NDST4: variants seen among roughly 807,000 people sequenced by gnomAD.
NDST4 encodes the protein N-heparan sulfate sulfotransferase 4.
Under a neutral mutation model 100.8 loss-of-function variants are expected in NDST4, and 63 were observed. The observed-to-expected ratio is 0.62, with a 90% CI of 0.51 to 0.77. NDST4 has a LOEUF of 0.77. Among genes scored for constraint, NDST4 ranks in the 30% least tolerant of loss-of-function variants. The pLI is 0.00. For missense variants in NDST4, 943 were observed against 1,018.4 expected (o/e 0.93, Z 1.01); for synonymous variants, 377 against 361.8 (o/e 1.04, Z -0.48).
chr4:115,088,942 T>C (rs1729460027), intron 1 of NDST4, among the ~76,000 whole-genome samples: 1 of 152,110 alleles, frequency 6.6e-6, no homozygotes, highest in Non-Finnish European at 1.5e-5. Flanking sequence ...GTACAGCCTA[T>C]AACACAGACA....
chr4:115,015,868 A>G (rs1727665906), intron 2 of NDST4, among the ~76,000 whole-genome samples: 1 of 152,062 alleles, frequency 6.6e-6, no homozygotes, highest in South Asian at 2.1e-4. Context: ...AGCAGAGACC[A>G]ACATTGATTT....
chr4:115,092,181 T>A (rs1729533161), intron 1 of NDST4, among the ~76,000 whole-genome samples: 1 of 152,134 alleles, frequency 6.6e-6, no homozygotes, highest in African/African-American at 2.4e-5. Flanking sequence ...GTGCCACTGC[T>A]ATTGGTGCCC....
chr4:114,914,299 A>T (rs1286447885), intron 6 of NDST4, among the ~76,000 whole-genome samples: 1 of 152,166 alleles, frequency 6.6e-6, no homozygotes, highest in Non-Finnish European at 1.5e-5. Context: ...ATTTAATTAT[A>T]CATTTTAAAA....
chr4:115,057,943 A>T (rs186458849), intron 2 of NDST4, among the ~76,000 whole-genome samples: 4 of 152,320 alleles, frequency 2.6e-5, no homozygotes, highest in African/African-American at 7.2e-5. Context: ...TAATAAAACT[A>T]GTAGGCAAAT....
chr4:114,946,473 C>G (rs1017481111), intron 4 of NDST4, among the ~76,000 whole-genome samples: 1 of 152,020 alleles, frequency 6.6e-6, no homozygotes, highest in East Asian at 1.9e-4. Flanking sequence ...GATCACTCAG[C>G]CATGGTTTAA....
chr4:114,918,138 G>A (rs1725212747), intron 6 of NDST4, among the ~76,000 whole-genome samples: 1 of 151,822 alleles, frequency 6.6e-6, no homozygotes, highest in Non-Finnish European at 1.5e-5. Flanking sequence ...ATTTTGAAAA[G>A]GTAAAATAAA....
At chr4:115,024,478 A>C (rs1727936283) in intron 2 of NDST4, among the ~76,000 whole-genome samples, 1 of 152,100 alleles carries the variant, frequency 6.6e-6, no homozygotes, top group Non-Finnish European at 1.5e-5. Context: ...ACTTGGCAGT[A>C]GTTACCCATC....
intron 2 of NDST4, among the ~76,000 whole-genome samples, chr4:114,979,170 C>T (rs1726709050): frequency 6.6e-6 from 1 of 151,850 alleles, no homozygotes; most frequent in Admixed American, 6.6e-5. Flanking sequence ...CCCCAGCTCC[C>T]AATGCCATTT....
intron 7 of NDST4, among the ~76,000 whole-genome samples, chr4:114,864,032 C>T (rs1723973399): frequency 6.6e-6 from 1 of 152,078 alleles, no homozygotes; most frequent in South Asian, 2.1e-4. Context: ...ATTAAAATAA[C>T]TTTTGTTCTT....
chr4:115,079,401 C>T (rs1288262673), intron 1 of NDST4, among the ~76,000 whole-genome samples: 7 of 151,396 alleles, frequency 4.6e-5, no homozygotes, highest in South Asian at 4.2e-4. Flanking sequence ...TGCTTCATCA[C>T]GAATGGACAT....
chr4:114,939,527 C>T, intron 4 of NDST4, among the ~76,000 whole-genome samples: 1 of 151,706 alleles, frequency 6.6e-6, no homozygotes, highest in Non-Finnish European at 1.5e-5. Flanking sequence ...AAATTTGGGG[C>T]CTAGAAGGTT....
intron 6 of NDST4, among the ~76,000 whole-genome samples, chr4:114,930,039 T>C (rs1035874557): frequency 7.2e-5 from 11 of 152,186 alleles, no homozygotes; most frequent in Non-Finnish European, 1.5e-5. Flanking sequence ...GACTCTTACC[T>C]CTGTCGAGAT....
At chr4:114,994,353 C>G (rs1290950181) in intron 2 of NDST4, among the ~76,000 whole-genome samples, 2 of 151,962 alleles carry the variant, frequency 1.3e-5, no homozygotes, top group African/African-American at 4.8e-5. Flanking sequence ...ACCTTTCTTT[C>G]TTTGCAAGTA....
chr4:114,948,907 G>C (rs1489719730), intron 4 of NDST4, among the ~76,000 whole-genome samples: 1 of 152,008 alleles, frequency 6.6e-6, no homozygotes, highest in East Asian at 1.9e-4. Context: ...GAAAAGAAAA[G>C]AGGCAGAGAA....
chr4:114,835,171 T>C (rs928870319), intron 11 of NDST4, among the ~76,000 whole-genome samples: 13 of 152,114 alleles, frequency 8.5e-5, no homozygotes, highest in African/African-American at 2.9e-4. Context: ...GCTTTTGAAT[T>C]TGTTTGCTCT....
At chr4:114,919,866 A>G (rs1408496042) in intron 6 of NDST4, among the ~76,000 whole-genome samples, 2 of 152,226 alleles carry the variant, frequency 1.3e-5, no homozygotes, top group Non-Finnish European at 2.9e-5. Flanking sequence ...TAATTGGGAT[A>G]TAATTTGGAA....
In NDST4 at chr4:114,999,573, G is replaced by A. The variant is rs1252866307; in HGVS notation, c.979-22299C>T. On this transcript the variant is annotated intron_variant, in intron 2 of 13. Coordinates refer to ENST00000264363, the MANE Select transcript of NDST4 (RefSeq NM_022569.3). Reference sequence around the variant, plus strand: ...TAAGAAAACTCTTACTGGACACCTGGCTTTTCCAAATAAAGAAGATTTGAA... The same window carrying A: ...TAAGAAAACTCTTACTGGACACCTGACTTTTCCAAATAAAGAAGATTTGAA... 2.0e-5 allele frequency among the ~76,000 whole-genome samples: 3 copies of A among 151,928 alleles called. 1 individual carries two copies. In the East Asian group the frequency reaches 5.8e-4, roughly 29 times the overall value.
intron 2 of NDST4, among the ~76,000 whole-genome samples, chr4:115,073,947 A>T (rs554373803): frequency 1.3e-5 from 2 of 152,048 alleles, no homozygotes; most frequent in South Asian, 4.1e-4. Flanking sequence ...AATTAAAAAT[A>T]AAAATAATTC....
Position 114,904,576 on chromosome 4 carries a change from T to A in NDST4, c.1536+30630A>T, listed in dbSNP as rs553037489. Among the ~76,000 whole-genome samples the A allele has an allele frequency of 3.3e-5, 5 of 152,048 alleles. No homozygotes were observed. In the East Asian group the frequency reaches 9.6e-4, roughly 29 times the overall value. ...TATGCCTGAAACTTATTTTTGACAATGTTTATCCAATTGTTTTTGTTGCAT... is the reference window on the plus strand; with the variant it reads ...TATGCCTGAAACTTATTTTTGACAAAGTTTATCCAATTGTTTTTGTTGCAT... On this transcript the variant is annotated intron_variant, in intron 6 of 13. Transcript: ENST00000264363.
Sources: allele counts gnomAD v4.1 joint callset (sites outside exome capture counted in the v4.1 genomes callset), GRCh38; gene constraint gnomAD v4.1.1; transcripts MANE v1.5; gene names NCBI Gene and HGNC (gene_info 2026-07-23, HGNC 2026-07-21).